Variants in OPCML observed in about 807,000 individuals in gnomAD.
OPCML encodes the protein opioid-binding protein/cell adhesion molecule.
OPCML carries 13 observed loss-of-function variants against 37.8 expected under a neutral mutation model. That is an observed-to-expected ratio of 0.34 (90% CI 0.22 to 0.55). OPCML has a LOEUF of 0.55. OPCML is among the 20% of genes least tolerant of loss of function. The pLI is 0.91. For missense variants in OPCML, 341 were observed against 435.6 expected (o/e 0.78, Z 1.93); for synonymous variants, 176 against 168.8 (o/e 1.04, Z -0.33).
At chr11:132,594,008 A>C (rs1456320746) in intron 3 of OPCML, among the ~76,000 whole-genome samples, 1 of 152,226 alleles carries the variant, frequency 6.6e-6, no homozygotes, top group African/African-American at 2.4e-5. Context: ...AAGCTTAGAA[A>C]GATTAACAAA....
chr11:133,045,721 C>T (rs1046404899), intron 1 of OPCML, among the ~76,000 whole-genome samples: 15 of 152,316 alleles, frequency 9.8e-5, no homozygotes, highest in East Asian at 7.7e-4. Context: ...GTGATATCTT[C>T]GTCTTCTAGC....
chr11:133,293,894 TCACACA>T (rs199717267), intron 1 of OPCML, among the ~76,000 whole-genome samples: 1 of 4,498 alleles, frequency 2.2e-4, no homozygotes, highest in African/African-American at 8.2e-4. Context: ...AAAAAAGACT[TCACACA>T]CACACACACA....
At position 132,611,531 on chromosome 11, in the gene OPCML, G is replaced by C. The variant is rs149821226; in HGVS notation, c.379+45556C>G. 4.1e-3 allele frequency among the ~76,000 whole-genome samples: 618 copies of C among 152,182 alleles called. 7 individuals are homozygous for C. The highest frequency in any genetic ancestry group is 0.014 in the African/African-American group (599 of 41,510). ...TGCTTTTTTCTTTTCTCCTCAGATA[G>C]CCTTTAAGTTATTTGAGGACAAGGT... On this transcript the variant is annotated intron_variant, in intron 3 of 7. Transcript: ENST00000524381.
At chr11:132,493,953 C>G (rs117793716) in intron 4 of OPCML, among the ~76,000 whole-genome samples, 2 of 152,164 alleles carry the variant, frequency 1.3e-5, no homozygotes, top group Non-Finnish European at 2.9e-5. Context: ...TGTGGGAGCA[C>G]GGGCAACCTC....
chr11:133,228,192 A>G (rs1189163960), intron 1 of OPCML, among the ~76,000 whole-genome samples: 1 of 152,076 alleles, frequency 6.6e-6, no homozygotes, highest in Admixed American at 6.5e-5. Context: ...GACACTGTAT[A>G]CGTCTTTCAC....
chr11:133,197,388 G>A (rs113458199), intron 1 of OPCML, among the ~76,000 whole-genome samples: 1,756 of 152,278 alleles, frequency 0.012, 28 homozygotes, highest in African/African-American at 0.038. Flanking sequence ...ACTCATTAAA[G>A]GCAGCTACCT....
intron 1 of OPCML, among the ~76,000 whole-genome samples, chr11:133,415,010 A>T (rs1945729966): frequency 6.6e-6 from 1 of 152,200 alleles, no homozygotes; most frequent in Non-Finnish European, 1.5e-5. Context: ...CAACAAGACA[A>T]CAAGAATTGG....
At chr11:133,371,813 C>T (rs1428349242) in intron 1 of OPCML, among the ~76,000 whole-genome samples, 1 of 152,114 alleles carries the variant, frequency 6.6e-6, no homozygotes, top group East Asian at 1.9e-4. Flanking sequence ...AGAAGTAATT[C>T]TATACGTACT....
intron 2 of OPCML, among the ~76,000 whole-genome samples, chr11:132,890,730 G>A (rs1300459361): frequency 7.4e-5 from 11 of 149,568 alleles, no homozygotes; most frequent in African/African-American, 2.2e-4. Flanking sequence ...GGTGGTGGGC[G>A]CCTGTAGTCC....
At chr11:133,495,746 G>T (rs1947772140) in intron 1 of OPCML, among the ~76,000 whole-genome samples, 1 of 150,826 alleles carries the variant, frequency 6.6e-6, no homozygotes. Flanking sequence ...CCTTTTGATG[G>T]GATTTTTTTT....
intron 4 of OPCML, among the ~76,000 whole-genome samples, chr11:132,454,980 C>T (rs2096077952): frequency 6.6e-6 from 1 of 152,180 alleles, no homozygotes; most frequent in Non-Finnish European, 1.5e-5. Context: ...TCCTGTGAGA[C>T]ATTTGTAATT....
At chr11:133,448,011 T>C (rs1241886703) in intron 1 of OPCML, among the ~76,000 whole-genome samples, 1 of 152,244 alleles carries the variant, frequency 6.6e-6, no homozygotes, top group Non-Finnish European at 1.5e-5. Context: ...CTTAATGGTG[T>C]CTTTAGAAGC....
At chr11:132,650,571 G>T (rs1159437119) in intron 3 of OPCML, among the ~76,000 whole-genome samples, 1 of 151,394 alleles carries the variant, frequency 6.6e-6, no homozygotes, top group African/African-American at 2.4e-5. Context: ...ATTTCCAATT[G>T]ACATACACAC....
At chr11:132,693,927 A>G (rs1264655484) in intron 2 of OPCML, among the ~76,000 whole-genome samples, 2 of 152,128 alleles carry the variant, frequency 1.3e-5, no homozygotes, top group Non-Finnish European at 2.9e-5. Flanking sequence ...GTGACCCAGT[A>G]ATAAGAATCT....
chr11:132,523,574 G>C (rs953142990), intron 4 of OPCML, among the ~76,000 whole-genome samples: 3 of 152,132 alleles, frequency 2.0e-5, no homozygotes, highest in Non-Finnish European at 4.4e-5. Flanking sequence ...AGGAAGAACT[G>C]ACAAGTCTGA....
chr11:133,490,671 C>T (rs1388334271), intron 1 of OPCML, among the ~76,000 whole-genome samples: 1 of 152,178 alleles, frequency 6.6e-6, no homozygotes, highest in Admixed American at 6.5e-5. Context: ...CTTTCCAACT[C>T]AACAAGAATA....
intron 1 of OPCML, among the ~76,000 whole-genome samples, chr11:133,043,691 A>G (rs1947951090): frequency 6.6e-6 from 1 of 152,112 alleles, no homozygotes; most frequent in Non-Finnish European, 1.5e-5. Context: ...GATGCTCCCA[A>G]TTGTGAGTGA....
chr11:133,399,460 C>T (rs1443962365), intron 1 of OPCML, among the ~76,000 whole-genome samples: 1 of 152,154 alleles, frequency 6.6e-6, no homozygotes, highest in Non-Finnish European at 1.5e-5. Context: ...TTGATGAATG[C>T]CAGCCGCCAG....
chr11:133,142,248 A>T (rs1166099669), intron 1 of OPCML, among the ~76,000 whole-genome samples: 2 of 152,236 alleles, frequency 1.3e-5, no homozygotes, highest in Admixed American at 6.5e-5. Context: ...GCAACTCATT[A>T]ATAAATAAAT....
Sources: gnomAD v4.1 joint callset for allele counts (sites outside exome capture counted in the v4.1 genomes callset) on GRCh38, gnomAD v4.1.1 for gene constraint, MANE v1.5 for transcripts, NCBI Gene and HGNC (gene_info 2026-07-23, HGNC 2026-07-21) for gene names.